KCNAB1: variants seen among roughly 807,000 people sequenced by gnomAD.
KCNAB1 encodes voltage-gated potassium channel subunit beta-1.
In KCNAB1, 35 loss-of-function variants were observed where a neutral mutation model predicts 64.6. The observed-to-expected ratio is 0.54, with a 90% confidence interval of 0.41 to 0.72. KCNAB1 has a LOEUF of 0.72. Among genes scored for constraint, KCNAB1 ranks in the 30% least tolerant of loss-of-function variants. KCNAB1 has a pLI of 0.00. For missense variants in KCNAB1, 401 were observed against 512.9 expected, an observed-to-expected ratio of 0.78 and a Z score of 2.11; for synonymous variants, 177 against 183.8, an observed-to-expected ratio of 0.96 and a Z score of 0.30.
At chr3:156,404,601 A>G (rs1237598994) in intron 1 of KCNAB1, among the ~76,000 whole-genome samples, 1 of 152,208 alleles carries the variant, frequency 6.6e-6, no homozygotes, top group African/African-American at 2.4e-5. Context: ...AAATAGGTTA[A>G]GGCAAGCATT....
intron 1 of KCNAB1, among the ~76,000 whole-genome samples, chr3:156,236,229 T>C (rs907047608): frequency 4.6e-5 from 7 of 152,168 alleles, no homozygotes; most frequent in Non-Finnish European, 8.8e-5. Context: ...TCTCACTTCA[T>C]AAGAGAGCAG....
chr3:156,320,253 T>C (rs1722567688), intron 1 of KCNAB1, among the ~76,000 whole-genome samples: 1 of 152,148 alleles, frequency 6.6e-6, no homozygotes, highest in African/African-American at 2.4e-5. Flanking sequence ...CTCTCCTTAA[T>C]CTAAACTGCG....
chr3:156,443,739 TACACACACACACACACACAC>T (rs71141708), intron 2 of KCNAB1, among the ~76,000 whole-genome samples: 1 of 141,734 alleles, frequency 7.1e-6, no homozygotes, highest in African/African-American at 2.7e-5. Flanking sequence ...ATTTAGTCCT[TACACACACACACACACACAC>T]ACACACACAC....
intron 1 of KCNAB1, among the ~76,000 whole-genome samples, chr3:156,379,963 T>A (rs934463479): frequency 6.6e-6 from 1 of 152,174 alleles, no homozygotes; most frequent in African/African-American, 2.4e-5. Context: ...GAGTCAGGAC[T>A]AGTGCTAAGG....
chr3:156,175,705 GA>G, intron 1 of KCNAB1: 1 of 522,066 alleles, frequency 1.9e-6, no homozygotes, highest in Non-Finnish European at 3.7e-6. Flanking sequence ...GGTGAAATGG[GA>G]TAGCAGTGGT....
chr3:156,510,861 C>T (rs920050727), intron 8 of KCNAB1, among the ~76,000 whole-genome samples: 1 of 152,168 alleles, frequency 6.6e-6, no homozygotes, highest in Non-Finnish European at 1.5e-5. Flanking sequence ...TTCCCTCCTG[C>T]CCCTTTGGCT....
In KCNAB1 at chr3:156,195,421, A is replaced by G. The variant is rs867970345; in HGVS notation, c.275+74535A>G. Among the ~76,000 whole-genome samples, 11 of 152,160 alleles carry G rather than the reference A, an allele frequency of 7.2e-5. 1 individual carries two copies. The highest frequency in any genetic ancestry group is 2.4e-4 in the African/African-American group (10 of 41,526). ...CCACCAACAGTGTAAAAGCCTTCCT[A>G]TTTCTCCACATCCTCTCCAGCATCT... is the stretch of plus-strand genomic sequence containing the variant. On this transcript the variant is annotated intron_variant, in intron 1 of 13. Coordinates refer to ENST00000490337, the MANE Select transcript of KCNAB1 (RefSeq NM_172160.3).
chr3:156,214,017 G>A (rs1209550447), intron 1 of KCNAB1, among the ~76,000 whole-genome samples: 1 of 152,102 alleles, frequency 6.6e-6, no homozygotes, highest in African/African-American at 2.4e-5. Context: ...CCTAAATGAA[G>A]TGGAGAGCTT....
chr3:156,351,662 C>T (rs1724866309), intron 1 of KCNAB1, among the ~76,000 whole-genome samples: 1 of 152,274 alleles, frequency 6.6e-6, no homozygotes, highest in African/African-American at 2.4e-5. Context: ...AGTCTCCTCA[C>T]TGGTCCTCCT....
chr3:156,234,578 T>TG (rs34232970), intron 1 of KCNAB1, among the ~76,000 whole-genome samples: 16 of 151,486 alleles, frequency 1.1e-4, no homozygotes, highest in Admixed American at 2.0e-4. Context: ...GGGGATGGGT[T>TG]GGGGGGGTGT....
At chr3:156,283,758 T>C (rs200407799) in intron 1 of KCNAB1, among the ~76,000 whole-genome samples, 4,723 of 152,148 alleles carry the variant, frequency 0.031, 288 homozygotes, top group South Asian at 0.24. Context: ...TTGATCGCAT[T>C]GGCTCCTGAG....
At chr3:156,263,144 A>G (rs1171803425) in intron 1 of KCNAB1, among the ~76,000 whole-genome samples, 1 of 151,618 alleles carries the variant, frequency 6.6e-6, no homozygotes, top group Non-Finnish European at 1.5e-5. Flanking sequence ...TCTAATCTTC[A>G]TTAATTCTTT....
intron 1 of KCNAB1, among the ~76,000 whole-genome samples, chr3:156,324,227 G>A (rs922466571): frequency 8.5e-5 from 13 of 152,110 alleles, no homozygotes; most frequent in African/African-American, 1.2e-4. Flanking sequence ...GGATAGACAT[G>A]TATTTTCACT....
intron 1 of KCNAB1, among the ~76,000 whole-genome samples, chr3:156,190,983 G>A (rs1256953843): frequency 3.3e-5 from 5 of 152,306 alleles, no homozygotes. Flanking sequence ...GTGAACTACT[G>A]TGTGTTTTTA....
At chr3:156,238,328 A>T (rs1476288937) in intron 1 of KCNAB1, among the ~76,000 whole-genome samples, 2 of 150,540 alleles carry the variant, frequency 1.3e-5, no homozygotes, top group Non-Finnish European at 3.0e-5. Context: ...AGGCTGAGGC[A>T]GGAGAATGGC....
rs78950207 is a variant in KCNAB1 at position 156,339,172 on chromosome 3, T to G, written c.276-82444T>G. 7.9e-5 allele frequency among the ~76,000 whole-genome samples: 12 copies of G among 152,240 alleles called. No individual in the cohort carries two copies. In the East Asian group the frequency reaches 2.1e-3, roughly 27 times the overall value. On this transcript the variant is annotated intron_variant, in intron 1 of 13. Coordinates refer to ENST00000490337, the MANE Select transcript of KCNAB1 (RefSeq NM_172160.3). ...GTGAAGTTTCCCCCTAGAGGAGGAA[T>G]GCATGTGTAGTCCAGGTGTAGGCAT...
At chr3:156,376,726 G>A (rs1267100585) in intron 1 of KCNAB1, among the ~76,000 whole-genome samples, 1 of 152,208 alleles carries the variant, frequency 6.6e-6, no homozygotes, top group African/African-American at 2.4e-5. Context: ...GGGTAGTCAA[G>A]AGCTTATGGA....
intron 12 of KCNAB1, among the ~76,000 whole-genome samples, 197 bp from the exon 13 acceptor site, chr3:156,531,212 G>A (rs1718679926): frequency 6.6e-6 from 1 of 152,012 alleles, no homozygotes. Context: ...CTCCCAGCTG[G>A]GCTTTGACAG....
chr3:156,476,592 C>G (rs1271810687), intron 8 of KCNAB1, among the ~76,000 whole-genome samples: 8 of 150,592 alleles, frequency 5.3e-5, no homozygotes, highest in Admixed American at 1.3e-4. Context: ...TATACACACA[C>G]ACATATATAT....
Sources: allele counts gnomAD v4.1 joint callset (sites outside exome capture counted in the v4.1 genomes callset), GRCh38; gene constraint gnomAD v4.1.1; transcripts MANE v1.5; gene names NCBI Gene and HGNC (gene_info 2026-07-23, HGNC 2026-07-21).